The following ASB18 variants were observed in gnomAD, a reference collection of about 807,000 sequenced individuals.
ASB18 encodes ankyrin repeat and SOCS box containing 18.
Under a neutral mutation model 33.4 loss-of-function variants are expected in ASB18, and 33 were observed. The observed-to-expected ratio is 0.99, with a 90% CI of 0.75 to 1.32. The LOEUF is 1.32. Ranked by LOEUF, ASB18 falls within the 40% of genes most tolerant of loss-of-function variation. The pLI is 0.00. For missense variants in ASB18, 694 were observed against 655.5 expected (o/e 1.06, Z -0.64); for synonymous variants, 295 against 307.6 (o/e 0.96, Z 0.43).
At position 236,237,114 on chromosome 2, in the gene ASB18, G is replaced by C. The variant is rs1327102582; in HGVS notation, c.596+575C>G. 6.6e-6 allele frequency among the ~76,000 whole-genome samples: 1 copy of C among 151,984 alleles called. No homozygotes were observed. The highest frequency in any genetic ancestry group is 1.5e-5 in the Non-Finnish European group (1 of 67,992). On this transcript the variant is annotated intron_variant, in intron 3 of 5. Transcript: ENST00000409749. This position sits in a 1 kb window ranked among gnomAD's most constrained non-coding sequence, Gnocchi z 6.2. Reference sequence around the variant, plus strand: ...TAGAGGCCGGCACAGCTCCGCTTCCGAGCGGGCCTGGAAGCCCCGCCCGAG... The same window carrying C: ...TAGAGGCCGGCACAGCTCCGCTTCCCAGCGGGCCTGGAAGCCCCGCCCGAG...
In ASB18 at chr2:236,209,392, C is replaced by A. The variant is rs1342433816; in HGVS notation, c.1101+4970G>T. 1.3e-4 allele frequency among the ~76,000 whole-genome samples: 19 copies of A among 151,952 alleles called. No individual in the cohort carries two copies. The highest frequency in any genetic ancestry group is 2.9e-5 in the Non-Finnish European group (2 of 67,996). On this transcript the variant is annotated intron_variant, in intron 4 of 5. Transcript: ENST00000409749. This position sits in a 1 kb window ranked among gnomAD's most constrained non-coding sequence, Gnocchi z 4.4. The stretch of plus-strand genomic sequence containing the variant: ...GGTTTAGGTAATCCTCCTGTCTCAG[C>A]CTCCTGAGTAACTGGGACTACAGTT...
In ASB18 at chr2:236,229,390, A is replaced by C. The variant is rs1257555143; in HGVS notation, c.596+8299T>G. Among the ~76,000 whole-genome samples the C allele has an allele frequency of 2.0e-5, 3 of 152,174 alleles. No individual in the cohort carries two copies. Among genetic ancestry groups the C allele is most frequent in the Non-Finnish European group, 2.9e-5 (2 of 68,024 alleles). ...ATCAGTGAACTGTGGAACAATCTTA[A>C]GTGGCATAGTATATGTATAATTGGA... On this transcript the variant is annotated intron_variant, in intron 3 of 5. Transcript: ENST00000409749. The surrounding 1 kb of genome is among the most constrained non-coding windows in gnomAD (Gnocchi z 5.2).
intron 1 of ASB18, chr2:236,247,638 C>T (rs1307616988): frequency 1.3e-5 from 2 of 152,210 alleles, no homozygotes; most frequent in Non-Finnish European, 2.9e-5. Flanking sequence ...TTGGTCCTCA[C>T]CCTTCTCAGC....
chr2:236,236,762 C>T (rs751580777), intron 3 of ASB18, among the ~76,000 whole-genome samples: 15 of 145,990 alleles, frequency 1.0e-4, no homozygotes, highest in Non-Finnish European at 1.6e-4. Flanking sequence ...GGTGGAGAAG[C>T]AGCAAGGGCG....
At chr2:236,246,625 C>A (rs1164509880) in intron 1 of ASB18, among the ~76,000 whole-genome samples, 1 of 152,098 alleles carries the variant, frequency 6.6e-6, no homozygotes, top group African/African-American at 2.4e-5. Context: ...CGTTGGAGAT[C>A]AAATGCATTT....
intron 3 of ASB18, among the ~76,000 whole-genome samples, chr2:236,224,069 G>A (rs1224823041): frequency 2.0e-5 from 3 of 150,366 alleles, no homozygotes; most frequent in Non-Finnish European, 4.4e-5. Flanking sequence ...TGGTAGGTAT[G>A]TATTTAACTT....
rs1452872116 is a variant in ASB18, at chr2:236,193,587, G to A, written c.*1285C>T. Among the ~76,000 whole-genome samples, 4 of 152,112 alleles carry A rather than the reference G, an allele frequency of 2.6e-5. No individual in the cohort carries two copies. Among genetic ancestry groups the A allele is most frequent in the East Asian group, 1.9e-4 (1 of 5,180 alleles). ...CGAGGCGGGCAGATCACCTGAGATC[G>A]GGAGTTTGAGACCAGCCTGACGAAC... On this transcript the variant is annotated 3_prime_UTR_variant, in exon 6 of 6. Coordinates refer to ENST00000409749, the MANE Select transcript of ASB18 (RefSeq NM_212556.4). The surrounding 1 kb of genome is among the most constrained non-coding windows in gnomAD (Gnocchi z 5.0).
Position 236,193,743 on chromosome 2 carries a change from C to A in ASB18, c.*1129G>T, listed in dbSNP as rs992855965. 2.0e-5 allele frequency among the ~76,000 whole-genome samples: 3 copies of A among 152,178 alleles called. No individual in the cohort carries two copies. Among genetic ancestry groups the A allele is most frequent in the African/African-American group, 7.2e-5 (3 of 41,448 alleles). On this transcript the variant is annotated 3_prime_UTR_variant, in exon 6 of 6. Coordinates refer to ENST00000409749, the MANE Select transcript of ASB18 (RefSeq NM_212556.4). This position sits in a 1 kb window ranked among gnomAD's most constrained non-coding sequence, Gnocchi z 5.0. ...CCTGGGAGGCGGAGGTTGCGGTGAG[C>A]CAAGATTGCGCCAGTCTCAAAACAA...
intron 3 of ASB18, among the ~76,000 whole-genome samples, chr2:236,218,966 C>G (rs910130150): frequency 6.6e-6 from 1 of 151,820 alleles, no homozygotes; most frequent in Non-Finnish European, 1.5e-5. Flanking sequence ...AACTTCTGGG[C>G]TCCAGCAATC....
rs1322783091 is a variant in ASB18, at chr2:236,194,354, C to T, written c.*518G>A. The stretch of plus-strand genomic sequence containing the variant: ...TAATTATCTTACTTGTTATTAATCT[C>T]TTTTAAAGGTATGTGTAGCTTGCCT... On this transcript the variant is annotated 3_prime_UTR_variant, in exon 6 of 6. Coordinates refer to ENST00000409749, the MANE Select transcript of ASB18 (RefSeq NM_212556.4). This position sits in a 1 kb window ranked among gnomAD's most constrained non-coding sequence, Gnocchi z 4.5. Among the ~76,000 whole-genome samples the T allele has an allele frequency of 6.6e-6, 1 of 152,154 alleles. No homozygotes were observed. The highest frequency in any genetic ancestry group is 2.4e-5 in the African/African-American group (1 of 41,438).
At position 236,225,939 on chromosome 2, in the gene ASB18, A is replaced by G. The variant is rs963201205; in HGVS notation, c.597-11073T>C. Among the ~76,000 whole-genome samples, 9 of 152,106 alleles carry G rather than the reference A, an allele frequency of 5.9e-5. No homozygotes were observed. The highest frequency in any genetic ancestry group is 2.2e-4 in the African/African-American group (9 of 41,410). On this transcript the variant is annotated intron_variant, in intron 3 of 5. Coordinates refer to ENST00000409749, the MANE Select transcript of ASB18 (RefSeq NM_212556.4). This position sits in a 1 kb window ranked among gnomAD's most constrained non-coding sequence, Gnocchi z 5.1. ...ATTGTCATCAAGAGTCAGAAAATGGAATGGCTCTGTATGTAGGTCAGCGAC... is the reference window on the plus strand; with the variant it reads ...ATTGTCATCAAGAGTCAGAAAATGGGATGGCTCTGTATGTAGGTCAGCGAC...
chr2:236,214,646 G>A lies in ASB18; in HGVS notation c.817C>T (p.Leu273=). 2 of 1,163,150 alleles carry A rather than the reference G, an allele frequency of 1.7e-6. No individual in the cohort carries two copies. Among genetic ancestry groups the A allele is most frequent in the African/African-American group, 1.6e-5 (1 of 61,102 alleles). The allele number at this position is 1,163,150 out of a possible 1,614,324, so 72.1% of individuals were successfully genotyped here. A position where few individuals can be genotyped will look rare whatever the true frequency, so the allele number is the denominator to read the frequency against. Reference sequence around the variant, plus strand: ...CGCAGCAGCAGCGCGCACAGGCGCAGGCAGCGCCCGTGCTCGTCGGGCCTC... The same window carrying A: ...CGCAGCAGCAGCGCGCACAGGCGCAAGCAGCGCCCGTGCTCGTCGGGCCTC... ...ARRPDEHGRC[L]RLCALLLRRG... The change falls in exon 4 of 6, where the codon CTG becomes TTG. Residue 273 remains leucine (L), a synonymous_variant. Transcript: ENST00000409749. The surrounding 1 kb of genome is among the most constrained non-coding windows in gnomAD (Gnocchi z 6.5).
rs903285910 is a variant in ASB18, at chr2:236,208,455, G to A, written c.1101+5907C>T. Among the ~76,000 whole-genome samples, 6 of 152,156 alleles carry A rather than the reference G, an allele frequency of 3.9e-5. No individual in the cohort carries two copies. The highest frequency in any genetic ancestry group is 2.1e-4 in the South Asian group (1 of 4,824). On this transcript the variant is annotated intron_variant, in intron 4 of 5. Coordinates refer to ENST00000409749, the MANE Select transcript of ASB18 (RefSeq NM_212556.4). The surrounding 1 kb of genome is among the most constrained non-coding windows in gnomAD (Gnocchi z 7.7). The stretch of plus-strand genomic sequence containing the variant: ...CTGCTATTTATCTGGTACCCTAGGC[G>A]ATGCTCAGGTCTTGCTCACTGCAAA...
chr2:236,237,675 C>A lies in ASB18; in HGVS notation c.596+14G>T. The A allele has an allele frequency of 7.0e-7, 1 of 1,427,852 alleles. No individual in the cohort carries two copies. Among genetic ancestry groups the A allele is most frequent in the Admixed American group, 2.8e-5 (1 of 36,234 alleles). The allele number at this position is 1,427,852 out of a possible 1,614,324, so 88.4% of individuals were successfully genotyped here. A position where few individuals can be genotyped will look rare whatever the true frequency, so the allele number is the denominator to read the frequency against. On this transcript the variant is annotated intron_variant, in intron 3 of 5. Transcript: ENST00000409749. The surrounding 1 kb of genome is among the most constrained non-coding windows in gnomAD (Gnocchi z 6.2). ...GGCGGGGCGGACGCCGCGGGCCTGTCCCGAGGTCCTTACCCGAGCGAGGCG... is the reference window on the plus strand; with the variant it reads ...GGCGGGGCGGACGCCGCGGGCCTGTACCGAGGTCCTTACCCGAGCGAGGCG...
In ASB18 at chr2:236,214,907, A is replaced by G. The variant is rs1049506666; in HGVS notation, c.597-41T>C. 4.2e-5 allele frequency: 50 copies of G among 1,202,618 alleles called. No homozygotes were observed. The African/African-American group carries it at 5.9e-4, about 14-fold the overall frequency. 74.5% of individuals were successfully genotyped at this position (1,202,618 alleles called of 1,614,324 possible). A position where few individuals can be genotyped will look rare whatever the true frequency, so the allele number is the denominator to read the frequency against. On this transcript the variant is annotated intron_variant, in intron 3 of 5. Coordinates refer to ENST00000409749, the MANE Select transcript of ASB18 (RefSeq NM_212556.4). This position sits in a 1 kb window ranked among gnomAD's most constrained non-coding sequence, Gnocchi z 6.5. ...GCCTGTCACTCGGGCGCCACGCAGG[A>G]CGCCCGCACCCTTCCACCCCCGGCC...
In ASB18 at chr2:236,199,336, C is replaced by T. The variant is rs184065202; in HGVS notation, c.1102-2951G>A. Among the ~76,000 whole-genome samples, 1,085 of 149,664 alleles carry T rather than the reference C, an allele frequency of 7.2e-3. 8 individuals carry two copies. The highest frequency in any genetic ancestry group is 0.025 in the African/African-American group (1,029 of 40,660). ...CTGAGGCAGGAGAATCGCTTGAACC[C>T]GGGAGGCGGAGTTTGCAGTGAGCTG... is the stretch of plus-strand genomic sequence containing the variant. On this transcript the variant is annotated intron_variant, in intron 4 of 5. Coordinates refer to ENST00000409749, the MANE Select transcript of ASB18 (RefSeq NM_212556.4).
At chr2:236,240,462 G>A (rs1576407861) in intron 2 of ASB18, among the ~76,000 whole-genome samples, 1 of 152,376 alleles carries the variant, frequency 6.6e-6, no homozygotes, top group Non-Finnish European at 1.5e-5. Flanking sequence ...ACTGACCTCA[G>A]ATTCTCAAAT....
chr2:236,254,879 C>G (rs1183206475), intron 1 of ASB18, among the ~76,000 whole-genome samples: 1 of 151,986 alleles, frequency 6.6e-6, no homozygotes, highest in Non-Finnish European at 1.5e-5. Flanking sequence ...ATCATGGGGG[C>G]GGAGTTCCCA....
intron 2 of ASB18, among the ~76,000 whole-genome samples, chr2:236,240,171 C>T (rs781685370): frequency 5.3e-5 from 8 of 152,132 alleles, no homozygotes; most frequent in African/African-American, 1.7e-4. Context: ...CCAGGGCTGC[C>T]GTTGGTATTT....
Sources: allele counts gnomAD v4.1 joint callset (sites outside exome capture counted in the v4.1 genomes callset), GRCh38; gene constraint gnomAD v4.1.1; non-coding constraint Gnocchi (gnomAD v3.1); transcripts MANE v1.5; gene names NCBI Gene and HGNC (gene_info 2026-07-23, HGNC 2026-07-21).